RAD51B: variants seen among roughly 807,000 people sequenced by gnomAD.
The protein encoded by RAD51B is RAD51 paralog B, also known as DNA repair protein RAD51 homolog 2.
In RAD51B, 38 loss-of-function variants were observed where a neutral mutation model predicts 42.2. The observed-to-expected ratio is 0.90, with a 90% CI of 0.70 to 1.18. The LOEUF (loss-of-function observed/expected upper bound fraction) is 1.18, where lower values mean the gene tolerates loss of function less well. RAD51B is among the 50% of genes most tolerant of loss of function. The pLI is 0.00. For synonymous variants in RAD51B, 154 were observed against 145.2 expected (o/e 1.06, Z -0.43); for missense variants, 373 against 400.7 (o/e 0.93, Z 0.59).
chr14:68,539,090 A>G (rs1887808266), intron 10 of RAD51B, among the ~76,000 whole-genome samples: 1 of 152,174 alleles, frequency 6.6e-6, no homozygotes, highest in Non-Finnish European at 1.5e-5. Context: ...TAATTTTGCC[A>G]TCTTATTCCC....
chr14:68,368,055 G>A (rs907727996), intron 8 of RAD51B, among the ~76,000 whole-genome samples: 4 of 152,174 alleles, frequency 2.6e-5, no homozygotes, highest in Non-Finnish European at 5.9e-5. Context: ...TGCTGTTTAT[G>A]TATTGCTGAA....
At chr14:68,619,195 C>T (rs952577085) in intron 10 of RAD51B, among the ~76,000 whole-genome samples, 9 of 152,112 alleles carry the variant, frequency 5.9e-5, no homozygotes, top group African/African-American at 2.2e-4. Context: ...AGTTAAAAGG[C>T]TGGGCGTGGT....
At chr14:68,372,235 G>A (rs1566840013) in intron 8 of RAD51B, among the ~76,000 whole-genome samples, 1 of 152,172 alleles carries the variant, frequency 6.6e-6, no homozygotes, top group Non-Finnish European at 1.5e-5. Flanking sequence ...GAGTGTAGGG[G>A]ACATAAGCCT....
intron 5 of RAD51B, among the ~76,000 whole-genome samples, chr14:67,884,805 C>A (rs1024747565): frequency 6.6e-6 from 1 of 152,050 alleles, no homozygotes; most frequent in Non-Finnish European, 1.5e-5. Flanking sequence ...TCAAATTGTT[C>A]AAAAATACAC....
chr14:68,212,663 A>C (rs1472563653), intron 7 of RAD51B, among the ~76,000 whole-genome samples: 1 of 152,250 alleles, frequency 6.6e-6, no homozygotes, highest in South Asian at 2.1e-4. Flanking sequence ...ACTGGACACT[A>C]TCCTAATTTT....
chr14:68,504,904 T>C (rs181124409), intron 10 of RAD51B, among the ~76,000 whole-genome samples: 1 of 152,226 alleles, frequency 6.6e-6, no homozygotes, highest in East Asian at 1.9e-4. Context: ...ATTCCTAATT[T>C]GTGAACTGCA....
chr14:68,003,105 A>C (rs1239900422), intron 7 of RAD51B, among the ~76,000 whole-genome samples: 3 of 152,204 alleles, frequency 2.0e-5, no homozygotes, highest in Non-Finnish European at 4.4e-5. Context: ...TTGAATCTGT[A>C]AATTGCTTTG....
chr14:68,219,598 C>A (rs1459455325), intron 7 of RAD51B, among the ~76,000 whole-genome samples: 1 of 152,122 alleles, frequency 6.6e-6, no homozygotes, highest in Non-Finnish European at 1.5e-5. Flanking sequence ...CCAAAACAAT[C>A]ACTAGAGTTT....
At chr14:68,531,210 T>TAAGA (rs1409029800) in intron 10 of RAD51B, among the ~76,000 whole-genome samples, 2 of 146,068 alleles carry the variant, frequency 1.4e-5, no homozygotes. Flanking sequence ...TAAGAGAAGA[T>TAAGA]AAGAAAGAAA....
intron 11 of RAD51B, among the ~76,000 whole-genome samples, chr14:68,653,153 T>C (rs1365661549): frequency 6.6e-6 from 1 of 152,236 alleles, no homozygotes; most frequent in African/African-American, 2.4e-5. Flanking sequence ...GTGGAGAGTA[T>C]ATAACTATTA....
intron 10 of RAD51B, among the ~76,000 whole-genome samples, chr14:68,513,013 G>A (rs189985306): frequency 9.2e-4 from 140 of 152,270 alleles, no homozygotes; most frequent in African/African-American, 3.2e-3. Context: ...GGAACAGTAA[G>A]GAAGCCAGAG....
At chr14:68,034,287 G>A (rs1247066403) in intron 7 of RAD51B, among the ~76,000 whole-genome samples, 2 of 151,736 alleles carry the variant, frequency 1.3e-5, no homozygotes, top group African/African-American at 2.4e-5. Context: ...TGGTGGTGGG[G>A]TGGGAACATG....
At chr14:68,230,366 G>T (rs1254623676) in intron 7 of RAD51B, among the ~76,000 whole-genome samples, 1 of 152,158 alleles carries the variant, frequency 6.6e-6, no homozygotes, top group Non-Finnish European at 1.5e-5. Context: ...GTCACGTCAA[G>T]GCACCACCAC....
downstream of RAD51B, among the ~76,000 whole-genome samples, chr14:68,481,215 T>C (rs1444015772): frequency 6.6e-6 from 1 of 152,198 alleles, no homozygotes; most frequent in African/African-American, 2.4e-5. Context: ...CTCCCTTACA[T>C]TGAGCAAGAT....
intron 10 of RAD51B, among the ~76,000 whole-genome samples, chr14:68,640,795 T>A (rs1474242531): frequency 1.3e-5 from 2 of 152,164 alleles, no homozygotes; most frequent in Admixed American, 6.5e-5. Flanking sequence ...TCTTGTGAGT[T>A]TTGTCAGATT....
chr14:68,485,285 A>G (rs1355223442), intron 10 of RAD51B, among the ~76,000 whole-genome samples: 2 of 152,024 alleles, frequency 1.3e-5, no homozygotes, highest in African/African-American at 2.4e-5. Flanking sequence ...TTCACTGCTC[A>G]CCTCCAGCCC....
chr14:68,214,565 A>G (rs2079775592), intron 7 of RAD51B, among the ~76,000 whole-genome samples: 3 of 152,210 alleles, frequency 2.0e-5, no homozygotes, highest in African/African-American at 7.2e-5. Flanking sequence ...CAAGTAAAGC[A>G]TGTCAGTATT....
intron 7 of RAD51B, among the ~76,000 whole-genome samples, chr14:68,061,053 CTTTTTTTT>C (rs755916680): frequency 3.0e-5 from 3 of 101,290 alleles, no homozygotes; most frequent in African/African-American, 1.2e-4. Flanking sequence ...TATTTGAGGT[CTTTTTTTT>C]TTTTTTTTTT....
intron 7 of RAD51B, among the ~76,000 whole-genome samples, chr14:68,006,835 T>C (rs188816938): frequency 4.9e-4 from 75 of 152,270 alleles, no homozygotes; most frequent in Admixed American, 2.4e-3. Context: ...AACTTTTATG[T>C]TTATGTTCCA....
Sources: allele counts gnomAD v4.1 joint callset (sites outside exome capture counted in the v4.1 genomes callset), GRCh38; gene constraint gnomAD v4.1.1; transcripts MANE v1.5; gene names NCBI Gene and HGNC (gene_info 2026-07-23, HGNC 2026-07-21).